The following DDX27 variants were observed in gnomAD, a reference collection of about 807,000 sequenced individuals.
DDX27 encodes the protein DEAD-box helicase 27.
Under a neutral mutation model 99.3 loss-of-function variants are expected in DDX27, and 42 were observed. The ratio of observed to expected loss-of-function variants is 0.42; its 90% CI spans 0.33 to 0.55. DDX27 has a LOEUF of 0.55. Ranked by LOEUF, DDX27 falls within the 20% of genes least tolerant of loss-of-function variation. The pLI is 0.07. For synonymous variants in DDX27, 329 were observed against 353.8 expected, an observed-to-expected ratio of 0.93 and a Z score of 0.79; for missense variants, 798 against 976.8, an observed-to-expected ratio of 0.82 and a Z score of 2.44.
At chr20:49,223,110 GCA>G in intron 3 of DDX27, 94 bp downstream of exon 3, 1 of 1,413,386 alleles carries the variant, frequency 7.1e-7, no homozygotes, top group Non-Finnish European at 9.8e-7. Flanking sequence ...ATAGAGCGGG[GCA>G]TGGCTGGGGC....
chr20:49,223,675 G>A (rs934803679), intron 4 of DDX27, among the ~76,000 whole-genome samples: 1 of 151,616 alleles, frequency 6.6e-6, no homozygotes, highest in Non-Finnish European at 1.5e-5. Context: ...GAAGCCAGGA[G>A]TTTGAGACCA....
At chr20:49,234,339 A>G (rs186632000) in intron 11 of DDX27, 1 of 152,078 alleles carries the variant, frequency 6.6e-6, no homozygotes, top group East Asian at 1.9e-4. Flanking sequence ...TCTTGGCTCA[A>G]TGCAGCCTTT....
Position 49,225,200 on chromosome 20 carries a change from G to A in DDX27, c.600+1G>A. ...GAACCTTTCCCGCCCTCTTCTGAAG[G>A]TAGCAGCTTCTTGTCAAAAATTTTC... On this transcript the variant is annotated splice_donor_variant, in intron 6 of 20. Coordinates refer to ENST00000618172, the MANE Select transcript of DDX27 (RefSeq NM_017895.8). LOFTEE classifies it high-confidence loss of function. The A allele has an allele frequency of 6.2e-7, 1 of 1,613,484 alleles. No homozygotes were observed. The highest frequency in any genetic ancestry group is 8.5e-7 in the Non-Finnish European group (1 of 1,179,484).
chr20:49,223,810 G>T (rs1979779194), intron 4 of DDX27, among the ~76,000 whole-genome samples: 1 of 152,106 alleles, frequency 6.6e-6, no homozygotes, highest in African/African-American at 2.4e-5. Flanking sequence ...GAAACTGGGA[G>T]GCAGAGGTTG....
intron 12 of DDX27, 125 bp downstream of exon 12, chr20:49,235,213 T>G: frequency 8.5e-7 from 1 of 1,172,250 alleles, no homozygotes; most frequent in Non-Finnish European, 1.2e-6. Flanking sequence ...GATCTTGGCC[T>G]TGAACATTTT....
At position 49,233,845 on chromosome 20, in the gene DDX27, A is replaced by G. The variant is rs1054486003; in HGVS notation, c.1273+136A>G. On this transcript the variant is annotated intron_variant, in intron 11 of 20. Transcript: ENST00000618172. ...CCAGCGCAGAGGCTGCACTGCACTA[A>G]TGATGATCCGCTGCCTCTCTTCTCC... is the stretch of plus-strand genomic sequence containing the variant. 7.5e-6 allele frequency: 7 copies of G among 933,030 alleles called. No homozygotes were observed. In the East Asian group the frequency reaches 1.5e-4, roughly 20 times the overall value. The allele number at this position is 933,030 out of a possible 1,614,324, so 57.8% of individuals were successfully genotyped here.
At chr20:49,242,781 G>C in intron 19 of DDX27, 100 bp downstream of exon 19, 3 of 1,177,412 alleles carry the variant, frequency 2.5e-6, no homozygotes, top group Non-Finnish European at 3.7e-6. Context: ...GGAGTGCAGT[G>C]GTGCATCTTA....
At chr20:49,221,950 C>T (rs2146704795) in intron 2 of DDX27, among the ~76,000 whole-genome samples, 1 of 151,930 alleles carries the variant, frequency 6.6e-6, no homozygotes, top group Non-Finnish European at 1.5e-5. Flanking sequence ...CCAAAGCTAC[C>T]ACAGATGTCA....
intron 4 of DDX27, 122 bp from the exon 5 acceptor site, chr20:49,224,823 A>G (rs1189463495): frequency 1.8e-5 from 19 of 1,029,222 alleles, no homozygotes; most frequent in South Asian, 6.1e-5. Flanking sequence ...CTGTGAAACA[A>G]GGTTGACGAT....
At chr20:49,221,357 G>A in intron 1 of DDX27, 95 bp from the exon 2 acceptor site, 8 of 1,464,292 alleles carry the variant, frequency 5.5e-6, no homozygotes, top group Non-Finnish European at 7.5e-6. Flanking sequence ...TAAAGTGCTG[G>A]GATTACAGGT....
intron 9 of DDX27, among the ~76,000 whole-genome samples, chr20:49,232,129 C>G (rs1356985097): frequency 6.6e-6 from 1 of 152,056 alleles, no homozygotes; most frequent in Non-Finnish European, 1.5e-5. Context: ...TTAAGACACC[C>G]TTCTGCCTCG....
Position 49,230,284 on chromosome 20 carries a change from C to T in DDX27, c.966C>T (p.His322=). 1 of 1,613,094 alleles carries T rather than the reference C, an allele frequency of 6.2e-7. No homozygotes were observed. The highest frequency in any genetic ancestry group is 1.7e-4 in the Middle Eastern group (1 of 6,046). The stretch of plus-strand genomic sequence containing the variant: ...CCACCCCAGGCCGGCTCATCGATCA[C>T]CTCCACAACTGCCCTTCCTTCCACC... ...LIATPGRLID[H]LHNCPSFHLS... The change falls in exon 9 of 21, where the codon CAC becomes CAT. Residue 322 remains histidine, a synonymous_variant. Transcript: ENST00000618172.
chr20:49,230,488 C>T (rs1980069224), intron 9 of DDX27, 139 bp downstream of exon 9: 2 of 963,176 alleles, frequency 2.1e-6, no homozygotes, highest in Non-Finnish European at 3.0e-6. Flanking sequence ...GCCACTTGTG[C>T]TGGGGCCTCT....
intron 8 of DDX27, 35 bp from the exon 9 acceptor site, chr20:49,230,164 C>G: frequency 6.3e-7 from 1 of 1,583,462 alleles, no homozygotes; most frequent in South Asian, 1.2e-5. Flanking sequence ...GAGCAGCTGA[C>G]CTGGCCGCCT....
Position 49,219,499 on chromosome 20 carries a change from G to GC in DDX27, c.53dup (p.Val19GlyfsTer6). 1 of 1,614,064 alleles carries GC rather than the reference G, an allele frequency of 6.2e-7. No individual in the cohort carries two copies. Among genetic ancestry groups the GC allele is most frequent in the Non-Finnish European group, 8.5e-7 (1 of 1,179,992 alleles). ...GAACCATAGGCGAGGATGACGAGGT[G>GC]CCGGTGGAGCCCGAGTCTGACTCCG... On this transcript the variant is annotated frameshift_variant, in exon 1 of 21. Coordinates refer to ENST00000618172, the MANE Select transcript of DDX27 (RefSeq NM_017895.8). LOFTEE classifies it high-confidence loss of function.
Position 49,228,789 on chromosome 20 carries a change from G to C in DDX27, c.781G>C (p.Val261Leu). 1.2e-6 allele frequency: 2 copies of C among 1,613,426 alleles called. No homozygotes were observed. The highest frequency in any genetic ancestry group is 1.7e-6 in the Non-Finnish European group (2 of 1,179,646). Reference protein sequence around the residue: ...YKPRQAPVTRVLVLVPTRELG... With the variant: ...YKPRQAPVTRLLVLVPTRELG... ...ACCCCGCCAGGCTCCAGTCACCCGC[G>C]TGCTGGTGCTAGTGCCCACCCGAGA... Residue 261 changes from valine to leucine, a missense_variant, in exon 8 of 21, where the codon GTG becomes CTG. By Grantham distance (32) the Val-to-Leu change is conservative (BLOSUM62 1). This residue lies in a region of DDX27 where 553 missense variants were observed against 727.9 expected (regional missense o/e 0.76). Transcript: ENST00000618172.
In DDX27 at chr20:49,225,145, G is replaced by A. The variant is rs1456561518; in HGVS notation, c.546G>A (p.Gln182=). 1 of 1,614,004 alleles carries A rather than the reference G, an allele frequency of 6.2e-7. No individual in the cohort carries two copies. Among genetic ancestry groups the A allele is most frequent in the African/African-American group, 1.3e-5 (1 of 74,930 alleles). The part of the protein sequence containing the change: ...EAGGFFEDAS[Q]YDENLSFQDM... ...GAGGATTTTTTGAAGATGCATCTCA[G>A]TACGATGAAAACCTCTCGTTCCAGG... The change falls in exon 6 of 21, where the codon CAG becomes CAA. Residue 182 remains glutamine (Q), a synonymous_variant. Transcript: ENST00000618172.
chr20:49,242,333 ATGTGTACAGC>A (rs1357642424), intron 18 of DDX27, 127 bp downstream of exon 18: 2 of 1,444,876 alleles, frequency 1.4e-6, no homozygotes, highest in African/African-American at 1.4e-5. Flanking sequence ...GTATGTACCA[ATGTGTACAGC>A]TATCCCTCCA....
intron 4 of DDX27, among the ~76,000 whole-genome samples, chr20:49,224,362 C>CTT (rs10654735): frequency 0.02 from 2,779 of 140,756 alleles, 131 homozygotes; most frequent in African/African-American, 0.06. Context: ...GTATTTCTTT[C>CTT]TTTCTTTTTT....
Sources: gnomAD v4.1 joint callset for allele counts (sites outside exome capture counted in the v4.1 genomes callset) on GRCh38, gnomAD v4.1.1 for gene constraint, gnomAD v4.1.1 regional missense constraint, MANE v1.5 for transcripts, NCBI Gene and HGNC (gene_info 2026-07-23, HGNC 2026-07-21) for gene names.